WDR49: variants seen among roughly 807,000 people sequenced by gnomAD.
WDR49 encodes WD repeat domain 49, also known as cilia- and flagella-associated protein 337.
Under a neutral mutation model 119.5 loss-of-function variants are expected in WDR49, and 107 were observed. That is an observed-to-expected ratio of 0.90 (90% CI 0.77 to 1.05). The LOEUF is 1.05. Among genes scored for constraint, WDR49 ranks in the 50% least tolerant of loss-of-function variants. The pLI is 0.00. For missense variants in WDR49, 1,240 were observed against 1,220.5 expected (o/e 1.02, Z -0.24); for synonymous variants, 425 against 418.8 (o/e 1.01, Z -0.18).
chr3:167,579,912 G>T (rs769432842), intron 7 of WDR49, among the ~76,000 whole-genome samples: 1 of 151,966 alleles, frequency 6.6e-6, no homozygotes, highest in Non-Finnish European at 1.5e-5. Flanking sequence ...CTAACTTCAT[G>T]TCATAATAAT....
intron 18 of WDR49, among the ~76,000 whole-genome samples, chr3:167,480,299 ACT>A (rs1486824084): frequency 4.6e-5 from 7 of 151,574 alleles, no homozygotes; most frequent in South Asian, 2.1e-4. Context: ...TATTAGAATA[ACT>A]CTGAATAATT....
intron 10 of WDR49, among the ~76,000 whole-genome samples, chr3:167,552,474 T>G (rs1712632814): frequency 6.6e-6 from 1 of 152,048 alleles, no homozygotes; most frequent in Non-Finnish European, 1.5e-5. Context: ...TATGACTTAG[T>G]GACTTCTTGT....
chr3:167,485,484 C>T (rs1261468041), intron 18 of WDR49, among the ~76,000 whole-genome samples: 1 of 151,876 alleles, frequency 6.6e-6, no homozygotes, highest in African/African-American at 2.4e-5. Flanking sequence ...AGATTTAGGA[C>T]AAAGCTGAAA....
intron 2 of WDR49, among the ~76,000 whole-genome samples, chr3:167,642,544 TA>T (rs2108341428): frequency 6.6e-6 from 1 of 152,112 alleles, no homozygotes; most frequent in Non-Finnish European, 1.5e-5. Context: ...TCATTAGTTT[TA>T]AAAATATGTA....
In WDR49 at chr3:167,485,894, T is replaced by C. The variant is rs145689419; in HGVS notation, c.3032-6898A>G. On this transcript the variant is annotated intron_variant, in intron 18 of 18. Coordinates refer to ENST00000682715, the MANE Select transcript of WDR49 (RefSeq NM_001366157.1). ...GTGGTTGACACACAAATCCAAGAAA[T>C]ACAAAGAACCCTGGAAAGATACTAT... 1.8e-4 allele frequency among the ~76,000 whole-genome samples: 27 copies of C among 150,338 alleles called. No homozygotes were observed. The South Asian group carries it at 2.5e-3, about 14-fold the overall frequency.
At chr3:167,559,936 T>C in intron 9 of WDR49, 128 bp downstream of exon 9, 1 of 945,142 alleles carries the variant, frequency 1.1e-6, no homozygotes, top group East Asian at 2.6e-5. Flanking sequence ...TATTTCACTC[T>C]TACCATGTCT....
intron 7 of WDR49, among the ~76,000 whole-genome samples, chr3:167,578,366 T>A (rs1303531528): frequency 1.3e-5 from 2 of 152,178 alleles, no homozygotes; most frequent in African/African-American, 4.8e-5. Context: ...TCCTTAGAGA[T>A]GGCCTTCTTT....
chr3:167,528,528 T>TAAATAAAATAAAATAAAATA (rs10675052), intron 14 of WDR49, among the ~76,000 whole-genome samples: 1,757 of 148,012 alleles, frequency 0.012, 36 homozygotes, highest in African/African-American at 0.042. Context: ...AAAAGTAAAA[T>TAAATAAAATAAAATAAAATA]AAATAAAATA....
At chr3:167,583,352 A>G (rs1450720749) in intron 7 of WDR49, among the ~76,000 whole-genome samples, 2 of 152,146 alleles carry the variant, frequency 1.3e-5, no homozygotes, top group African/African-American at 2.4e-5. Flanking sequence ...ATTAAAAACT[A>G]GGTTTTTGTA....
intron 8 of WDR49, among the ~76,000 whole-genome samples, chr3:167,568,302 C>T (rs1385048550): frequency 6.6e-6 from 1 of 152,120 alleles, no homozygotes; most frequent in African/African-American, 2.4e-5. Flanking sequence ...CTATCCTTTG[C>T]TGGCATTAAA....
At chr3:167,500,680 A>G (rs553350048) in intron 17 of WDR49, among the ~76,000 whole-genome samples, 22 of 152,302 alleles carry the variant, frequency 1.4e-4, no homozygotes, top group African/African-American at 5.1e-4. Context: ...TTAACAACAC[A>G]TCTAAAATTT....
At chr3:167,552,037 T>C (rs1373811092) in intron 10 of WDR49, among the ~76,000 whole-genome samples, 1 of 151,898 alleles carries the variant, frequency 6.6e-6, no homozygotes, top group East Asian at 1.9e-4. Flanking sequence ...GATTTCTAGA[T>C]AAGAGGAGAG....
chr3:167,622,299 G>A (rs567334851), intron 3 of WDR49, among the ~76,000 whole-genome samples: 2 of 151,952 alleles, frequency 1.3e-5, no homozygotes, highest in Non-Finnish European at 2.9e-5. Flanking sequence ...CACTTTGAGA[G>A]GCCAACGCAG....
chr3:167,519,377 G>A (rs2108229078), intron 16 of WDR49, among the ~76,000 whole-genome samples: 1 of 152,204 alleles, frequency 6.6e-6, no homozygotes, highest in East Asian at 1.9e-4. Flanking sequence ...GCCAATAAAT[G>A]GAATCAACCC....
chr3:167,623,644 G>T (rs1378102714), intron 3 of WDR49, among the ~76,000 whole-genome samples: 1 of 151,676 alleles, frequency 6.6e-6, no homozygotes, highest in African/African-American at 2.4e-5. Flanking sequence ...TCAGAAACAA[G>T]ACAAGGATGT....
chr3:167,617,984 C>T lies in WDR49; in HGVS notation c.958+2445G>A, dbSNP rs111906974. 2.2e-3 allele frequency among the ~76,000 whole-genome samples: 339 copies of T among 152,288 alleles called. 3 individuals are homozygous for T. The highest frequency in any genetic ancestry group is 0.012 in the South Asian group (60 of 4,828). ...TTCCTCAAAAGCCTTCGACGTTTCA[C>T]GGCCAATATCTTCCAATGTTATGTC... On this transcript the variant is annotated intron_variant, in intron 5 of 18. Coordinates refer to ENST00000682715, the MANE Select transcript of WDR49 (RefSeq NM_001366157.1).
intron 18 of WDR49, among the ~76,000 whole-genome samples, chr3:167,496,351 C>T (rs1361568394): frequency 7.9e-5 from 12 of 152,036 alleles, no homozygotes; most frequent in Non-Finnish European, 1.8e-4. Context: ...CTTCATGCTC[C>T]TTCTAGAACC....
chr3:167,522,264 T>C (rs1189547729), intron 16 of WDR49, 51 bp downstream of exon 16: 1 of 1,489,660 alleles, frequency 6.7e-7, no homozygotes, highest in Non-Finnish European at 8.9e-7. Flanking sequence ...ATCTTATCTA[T>C]GTCTTATCTA....
chr3:167,555,006 C>T, intron 9 of WDR49, among the ~76,000 whole-genome samples: 1 of 152,136 alleles, frequency 6.6e-6, no homozygotes, highest in Non-Finnish European at 1.5e-5. Flanking sequence ...AATCCTCAGA[C>T]TCTTTCTCTA....
Sources: allele counts gnomAD v4.1 joint callset (sites outside exome capture counted in the v4.1 genomes callset), GRCh38; gene constraint gnomAD v4.1.1; transcripts MANE v1.5; gene names NCBI Gene and HGNC (gene_info 2026-07-23, HGNC 2026-07-21).